The following ZHX2 variants were observed in gnomAD, a reference collection of about 807,000 sequenced individuals.
The protein encoded by ZHX2 is zinc fingers and homeoboxes protein 2.
ZHX2 carries 6 observed loss-of-function variants against 21.9 expected under a neutral mutation model. The ratio of observed to expected loss-of-function variants is 0.27; its 90% CI spans 0.15 to 0.54. ZHX2 has a LOEUF of 0.54. ZHX2 is among the 20% of genes least tolerant of loss of function. The pLI is 0.95. For synonymous variants in ZHX2, 434 were observed against 437.1 expected (o/e 0.99, Z 0.09); for missense variants, 908 against 1,090.7 (o/e 0.83, Z 2.36).
intron 2 of ZHX2, among the ~76,000 whole-genome samples, chr8:122,935,214 TTAAG>T (rs150025501): frequency 0.028 from 4,256 of 152,090 alleles, 178 homozygotes; most frequent in African/African-American, 0.098. Context: ...CTGAATTGTC[TTAAG>T]TAAGAGAAAG....
chr8:122,931,717 C>A (rs1025831534), intron 2 of ZHX2, among the ~76,000 whole-genome samples: 11 of 152,152 alleles, frequency 7.2e-5, no homozygotes, highest in African/African-American at 2.7e-4. Flanking sequence ...AATACCTGGC[C>A]CTACCCCAAG....
intron 1 of ZHX2, among the ~76,000 whole-genome samples, chr8:122,809,944 G>GT (rs1278665849): frequency 3.3e-5 from 5 of 152,154 alleles, no homozygotes; most frequent in African/African-American, 9.7e-5. Context: ...TGGGGATTGG[G>GT]TAGGGGGGGT....
intron 2 of ZHX2, among the ~76,000 whole-genome samples, chr8:122,895,765 G>A (rs946615179): frequency 5.4e-5 from 8 of 148,866 alleles, no homozygotes; most frequent in Non-Finnish European, 1.0e-4. Flanking sequence ...AAAAGCTCTC[G>A]CCAAGATAAG....
At chr8:122,916,919 A>T (rs541369096) in intron 2 of ZHX2, among the ~76,000 whole-genome samples, 1 of 151,506 alleles carries the variant, frequency 6.6e-6, no homozygotes, top group African/African-American at 2.4e-5. Flanking sequence ...CTTCCTTTTC[A>T]TGCCTCTGTT....
chr8:122,894,374 A>G (rs1820048428), intron 2 of ZHX2, among the ~76,000 whole-genome samples: 1 of 152,202 alleles, frequency 6.6e-6, no homozygotes, highest in Non-Finnish European at 1.5e-5. Flanking sequence ...ACATTTTCAC[A>G]TCCTTTATAA....
At chr8:122,865,236 C>G (rs970990656) in intron 2 of ZHX2, among the ~76,000 whole-genome samples, 10 of 151,974 alleles carry the variant, frequency 6.6e-5, no homozygotes, top group Admixed American at 4.6e-4. Context: ...TCATGCCATT[C>G]TCCTGCCTCA....
intron 2 of ZHX2, among the ~76,000 whole-genome samples, chr8:122,884,177 A>G (rs911037838): frequency 2.6e-5 from 4 of 152,246 alleles, no homozygotes; most frequent in African/African-American, 4.8e-5. Flanking sequence ...TTAAAAGTAC[A>G]GTCAAAATAC....
intron 1 of ZHX2, among the ~76,000 whole-genome samples, chr8:122,800,834 TG>T (rs1817704699): frequency 1.3e-5 from 2 of 152,014 alleles, no homozygotes; most frequent in Admixed American, 6.6e-5. Flanking sequence ...TTCAAAACCA[TG>T]TGGGGGAGCT....
chr8:122,783,290 C>T (rs1817329134), intron 1 of ZHX2, among the ~76,000 whole-genome samples: 1 of 152,064 alleles, frequency 6.6e-6, no homozygotes, highest in African/African-American at 2.4e-5. Flanking sequence ...AGTGGTTGCT[C>T]AGCTTGGCCC....
intron 1 of ZHX2, among the ~76,000 whole-genome samples, chr8:122,799,656 A>T (rs1444460065): frequency 2.0e-5 from 3 of 152,084 alleles, no homozygotes; most frequent in Non-Finnish European, 4.4e-5. Flanking sequence ...CCTGCTGATA[A>T]TCCATGGAGG....
intron 2 of ZHX2, among the ~76,000 whole-genome samples, chr8:122,912,188 G>A (rs17290181): frequency 0.1 from 15,171 of 152,266 alleles, 1,024 homozygotes; most frequent in Admixed American, 0.18. Context: ...CTTTTCCAGT[G>A]TGTTGCTGCT....
intron 1 of ZHX2, among the ~76,000 whole-genome samples, chr8:122,816,996 C>T (rs926796653): frequency 6.6e-6 from 1 of 152,188 alleles, no homozygotes; most frequent in African/African-American, 2.4e-5. Flanking sequence ...GCTGGGAGCT[C>T]TCCATGCAGA....
intron 2 of ZHX2, among the ~76,000 whole-genome samples, chr8:122,887,837 C>A (rs921054305): frequency 6.6e-6 from 1 of 152,102 alleles, no homozygotes; most frequent in African/African-American, 2.4e-5. Flanking sequence ...CCCCACCACC[C>A]CCATGTCTGA....
At chr8:122,857,366 A>G (rs549669595) in intron 1 of ZHX2, among the ~76,000 whole-genome samples, 1 of 152,090 alleles carries the variant, frequency 6.6e-6, no homozygotes, top group South Asian at 2.1e-4. Flanking sequence ...AACAGAAAAA[A>G]AAAAAAAAAT....
At chr8:122,957,997 C>A (rs1268140383) in intron 3 of ZHX2, among the ~76,000 whole-genome samples, 1 of 152,170 alleles carries the variant, frequency 6.6e-6, no homozygotes, top group Non-Finnish European at 1.5e-5. Flanking sequence ...TATTTAGGAA[C>A]CTGCAGTTCA....
At chr8:122,945,726 C>T (rs946320941) in intron 2 of ZHX2, among the ~76,000 whole-genome samples, 1 of 152,226 alleles carries the variant, frequency 6.6e-6, no homozygotes, top group Non-Finnish European at 1.5e-5. Context: ...CTTACCTCCC[C>T]TCCCTTCTCT....
At chr8:122,835,976 T>C (rs1415048274) in intron 1 of ZHX2, among the ~76,000 whole-genome samples, 1 of 152,148 alleles carries the variant, frequency 6.6e-6, no homozygotes, top group African/African-American at 2.4e-5. Flanking sequence ...TTAGGGTTTT[T>C]TTTTATGAGG....
intron 1 of ZHX2, among the ~76,000 whole-genome samples, chr8:122,833,548 T>C (rs1818425897): frequency 6.6e-6 from 1 of 151,752 alleles, no homozygotes; most frequent in African/African-American, 2.4e-5. Context: ...TGTTTTAAGG[T>C]GGGAGGTTGG....
chr8:122,829,970 A>G (rs1201366100), intron 1 of ZHX2, among the ~76,000 whole-genome samples: 2 of 152,318 alleles, frequency 1.3e-5, no homozygotes, highest in Admixed American at 6.5e-5. Flanking sequence ...AAGCATGTTA[A>G]GTTTTCAATA....
Sources: allele counts gnomAD v4.1 joint callset (sites outside exome capture counted in the v4.1 genomes callset), GRCh38; gene constraint gnomAD v4.1.1; transcripts MANE v1.5; gene names NCBI Gene and HGNC (gene_info 2026-07-23, HGNC 2026-07-21).